The following TIAL1 variants were observed in gnomAD, a reference collection of about 807,000 sequenced individuals.
TIAL1 encodes the protein TIA1 cytotoxic granule associated RNA binding protein like 1, also known as nucleolysin TIAR.
TIAL1 carries 7 observed loss-of-function variants against 59.7 expected under a neutral mutation model. The observed-to-expected ratio is 0.12, with a 90% CI of 0.07 to 0.22. The LOEUF (loss-of-function observed/expected upper bound fraction) is 0.22. TIAL1 is among the 10% of genes least tolerant of loss of function. The probability of loss-of-function intolerance (pLI) is 1.00; values close to 1 mark genes in which losing one functional copy is unlikely to be tolerated. For missense variants in TIAL1, 225 were observed against 462.5 expected, an observed-to-expected ratio of 0.49 and a Z score of 4.71; for synonymous variants, 149 against 146.3, an observed-to-expected ratio of 1.02 and a Z score of -0.13.
chr10:119,591,303 A>G (rs1845870868), intron 1 of TIAL1, among the ~76,000 whole-genome samples: 1 of 151,836 alleles, frequency 6.6e-6, no homozygotes, highest in Non-Finnish European at 1.5e-5. Context: ...TACTTGGGGG[A>G]GGCTGAGGCA....
At chr10:119,579,818 A>C in intron 6 of TIAL1, 117 bp downstream of exon 6, 1 of 707,040 alleles carries the variant, frequency 1.4e-6, no homozygotes, top group African/African-American at 1.8e-5. Flanking sequence ...ATAACATTAC[A>C]TAAAAGTTGT....
chr10:119,589,812 A>G (rs1482221864), intron 1 of TIAL1, among the ~76,000 whole-genome samples: 4 of 152,226 alleles, frequency 2.6e-5, no homozygotes, highest in Non-Finnish European at 5.9e-5. Flanking sequence ...CTGGTATTCT[A>G]CACATAATTC....
intron 1 of TIAL1, among the ~76,000 whole-genome samples, chr10:119,590,750 C>CAGAGAGAAAGAGAGAAAGAGAGAA (rs1055881232): frequency 2.6e-4 from 19 of 73,028 alleles, no homozygotes; most frequent in African/African-American, 1.2e-3. Context: ...GAGAGAGAGA[C>CAGAGAGAAAGAGAGAAAGAGAGAA]AGAGAGAAAG....
intron 1 of TIAL1, among the ~76,000 whole-genome samples, chr10:119,594,234 CAAAG>C (rs1846037501): frequency 1.3e-5 from 2 of 151,964 alleles, no homozygotes; most frequent in Admixed American, 1.3e-4. Context: ...TTAACTGTTT[CAAAG>C]AAAGAACAAG....
intron 2 of TIAL1, among the ~76,000 whole-genome samples, chr10:119,583,951 A>G (rs1845417427): frequency 6.6e-6 from 1 of 152,342 alleles, no homozygotes; most frequent in African/African-American, 2.4e-5. Flanking sequence ...AAGGACATCA[A>G]AATAAATAAG....
intron 1 of TIAL1, among the ~76,000 whole-genome samples, chr10:119,594,982 G>A (rs1443177876): frequency 4.6e-5 from 7 of 152,166 alleles, no homozygotes; most frequent in Non-Finnish European, 5.9e-5. Context: ...GGCAGAAATG[G>A]AAGACAACAC....
rs1053331156 is a variant in TIAL1, at chr10:119,582,781, A to C, written c.130-224T>G. On this transcript the variant is annotated intron_variant, in intron 2 of 11. Transcript: ENST00000436547. This position sits in a 1 kb window ranked among gnomAD's most constrained non-coding sequence, Gnocchi z 5.1. ...GAACTATAAAAGCAGTTGTAGAATC[A>C]TGAGCATCAGTATTAAATGAAAATA... 3.3e-5 allele frequency among the ~76,000 whole-genome samples: 5 copies of C among 152,214 alleles called. No individual in the cohort carries two copies. The highest frequency in any genetic ancestry group is 2.6e-4 in the Admixed American group (4 of 15,274).
chr10:119,589,391 A>C (rs1306049838), intron 1 of TIAL1, among the ~76,000 whole-genome samples: 2 of 152,144 alleles, frequency 1.3e-5, no homozygotes, highest in Non-Finnish European at 2.9e-5. Context: ...TTTTTAGTAG[A>C]GACGGGGTTT....
rs535422448 is a variant in TIAL1, at chr10:119,573,753, T to C, written c.*1912A>G. On this transcript the variant is annotated 3_prime_UTR_variant, in exon 12 of 12. Transcript: ENST00000436547. The stretch of plus-strand genomic sequence containing the variant: ...CTTTTCCAAAAACATTCCTCAAAGA[T>C]ACTATAAACAAAAGAAATAAGGGTA... The C allele has an allele frequency of 2.0e-5, 3 of 152,416 alleles. No individual in the cohort carries two copies. The East Asian group carries it at 5.8e-4, about 29-fold the overall frequency. 9.4% of individuals were successfully genotyped at this position (152,416 alleles called of 1,614,324 possible).
intron 1 of TIAL1, among the ~76,000 whole-genome samples, chr10:119,594,102 G>A (rs922530099): frequency 3.3e-5 from 5 of 149,614 alleles, no homozygotes; most frequent in Admixed American, 2.7e-4. Flanking sequence ...GGAAAAGGGT[G>A]GGAGAAGGAA....
rs1041103536 is a variant in TIAL1 at position 119,574,794 on chromosome 10, T to C, written c.*871A>G. 3.9e-5 allele frequency: 6 copies of C among 152,588 alleles called. No individual in the cohort carries two copies. The highest frequency in any genetic ancestry group is 1.4e-4 in the African/African-American group (6 of 41,440). 9.5% of individuals were successfully genotyped at this position (152,588 alleles called of 1,614,324 possible). On this transcript the variant is annotated 3_prime_UTR_variant, in exon 12 of 12. Transcript: ENST00000436547. The stretch of plus-strand genomic sequence containing the variant: ...CTGCATTCAATGCAGCGGAGTGTGT[T>C]AAGTGTTACTTCAAATAATTACATT...
intron 1 of TIAL1, among the ~76,000 whole-genome samples, chr10:119,595,106 A>G (rs1415770330): frequency 6.6e-6 from 1 of 152,194 alleles, no homozygotes; most frequent in East Asian, 1.9e-4. Flanking sequence ...TAGAGAACAC[A>G]TTTATTCCTG....
chr10:119,587,218 C>G (rs966405864), intron 2 of TIAL1, among the ~76,000 whole-genome samples: 3 of 152,296 alleles, frequency 2.0e-5, no homozygotes, highest in Admixed American at 6.5e-5. Context: ...CCATCTCTTA[C>G]GACTAATTCC....
At chr10:119,576,840 T>A in intron 10 of TIAL1, 90 bp from the exon 11 acceptor site, 1 of 1,519,994 alleles carries the variant, frequency 6.6e-7, no homozygotes, top group Non-Finnish European at 8.9e-7. Context: ...AAAAACTAAG[T>A]AAGCACCCTT....
chr10:119,588,179 G>A lies in TIAL1; in HGVS notation c.102C>T (p.Pro34=). 4.4e-6 allele frequency: 7 copies of A among 1,593,774 alleles called. No individual in the cohort carries two copies. Among genetic ancestry groups the A allele is most frequent in the Non-Finnish European group, 5.1e-6 (6 of 1,168,256 alleles). ...LILQLFSQIG[P]CKSCKMITEH... ...CTGTTATCATTTTACAGCTTTTACA[G>A]GGTCCAATCTGACTGAACAACTGAA... Residue 34 remains proline, a synonymous_variant, in exon 2 of 12, where the codon CCC becomes CCT. Coordinates refer to ENST00000436547, the MANE Select transcript of TIAL1 (RefSeq NM_003252.4).
In TIAL1 at chr10:119,579,938, T is replaced by C; in HGVS notation, c.444A>G (p.Lys148=). 1 of 1,597,014 alleles carries C rather than the reference T, an allele frequency of 6.3e-7. No individual in the cohort carries two copies. The highest frequency in any genetic ancestry group is 8.5e-7 in the Non-Finnish European group (1 of 1,173,714). ...KGYGFVSFYN[K]LDAENAIVHM... ...AAATTGAGATGGAAGAACGTACCAG[T>C]TTGTTATAAAAAGATACAAAACCAT... The change falls in exon 6 of 12, where the codon AAA becomes AAG. Residue 148 remains lysine, a synonymous_variant. Transcript: ENST00000436547.
At position 119,582,013 on chromosome 10, in the gene TIAL1, A is replaced by C; in HGVS notation, c.284-4T>G. The C allele has an allele frequency of 6.2e-7, 1 of 1,613,408 alleles. No homozygotes were observed. Among genetic ancestry groups the C allele is most frequent in the Non-Finnish European group, 8.5e-7 (1 of 1,179,546 alleles). The stretch of plus-strand genomic sequence containing the variant: ...CCAACAAACACATGGAAGTGATCTG[A>C]AATCAGAGCATTTGGTAATCAAATA... On this transcript the variant is annotated splice_region_variant and splice_polypyrimidine_tract_variant and intron_variant, in intron 4 of 11. Coordinates refer to ENST00000436547, the MANE Select transcript of TIAL1 (RefSeq NM_003252.4). The surrounding 1 kb of genome is among the most constrained non-coding windows in gnomAD (Gnocchi z 5.1).
Position 119,596,502 on chromosome 10 carries a change from G to T in TIAL1, c.-37C>A. 1 of 1,252,478 alleles carries T rather than the reference G, an allele frequency of 8.0e-7. No homozygotes were observed. Among genetic ancestry groups the T allele is most frequent in the South Asian group, 1.3e-5 (1 of 78,214 alleles). 77.6% of individuals were successfully genotyped at this position (1,252,478 alleles called of 1,614,324 possible). A position where few individuals can be genotyped will look rare whatever the true frequency, so the allele number is the denominator to read the frequency against. ...CGGAGCGATCCCGGGACAAGGGGGA[G>T]GGCAGGGTTGGGGAGGGGAGGGGGT... On this transcript the variant is annotated 5_prime_UTR_variant, in exon 1 of 12. Coordinates refer to ENST00000436547, the MANE Select transcript of TIAL1 (RefSeq NM_003252.4).
intron 1 of TIAL1, among the ~76,000 whole-genome samples, chr10:119,595,345 C>T (rs1020883850): frequency 1.3e-5 from 2 of 151,774 alleles, no homozygotes; most frequent in African/African-American, 4.8e-5. Context: ...AGCGATCTGA[C>T]TCCTTGGTAC....
Sources: allele counts gnomAD v4.1 joint callset (sites outside exome capture counted in the v4.1 genomes callset), GRCh38; gene constraint gnomAD v4.1.1; non-coding constraint Gnocchi (gnomAD v3.1); transcripts MANE v1.5; gene names NCBI Gene and HGNC (gene_info 2026-07-23, HGNC 2026-07-21).